PID1: variants seen among roughly 807,000 people sequenced by gnomAD.
The protein encoded by PID1 is PTB-containing, cubilin and LRP1-interacting protein.
PID1 carries 10 observed loss-of-function variants against 19.1 expected under a neutral mutation model. The ratio of observed to expected loss-of-function variants is 0.52; its 90% CI spans 0.32 to 0.89. The LOEUF (loss-of-function observed/expected upper bound fraction) is 0.89, where lower values mean the gene tolerates loss of function less well. PID1 is among the 40% of genes least tolerant of loss of function. The pLI, the probability that PID1 is intolerant of heterozygous loss-of-function variation, is 0.03. For missense variants in PID1, 248 were observed against 285.3 expected, an observed-to-expected ratio of 0.87 and a Z score of 0.94; for synonymous variants, 130 against 116.0, an observed-to-expected ratio of 1.12 and a Z score of -0.78.
At chr2:229,119,881 G>T (rs1695483015) in intron 2 of PID1, among the ~76,000 whole-genome samples, 1 of 152,100 alleles carries the variant, frequency 6.6e-6, no homozygotes, top group Non-Finnish European at 1.5e-5. Context: ...GAGGAAGGTT[G>T]GATTCCCACT....
At chr2:229,112,673 C>T (rs957478201) in intron 2 of PID1, among the ~76,000 whole-genome samples, 5 of 152,104 alleles carry the variant, frequency 3.3e-5, no homozygotes, top group South Asian at 2.1e-4. Context: ...TTAGTAGACA[C>T]GGGGTTTCAC....
chr2:229,101,965 T>C (rs1695082658), intron 2 of PID1, among the ~76,000 whole-genome samples: 1 of 152,200 alleles, frequency 6.6e-6, no homozygotes, highest in South Asian at 2.1e-4. Flanking sequence ...GTGGGTCTAA[T>C]GTAATCATCA....
At chr2:229,209,572 G>C (rs1691682556) in intron 1 of PID1, among the ~76,000 whole-genome samples, 1 of 152,156 alleles carries the variant, frequency 6.6e-6, no homozygotes. Flanking sequence ...GACAGCCACC[G>C]AATTGTCCAG....
At chr2:229,093,180 T>C (rs1694909240) in intron 2 of PID1, among the ~76,000 whole-genome samples, 2 of 148,810 alleles carry the variant, frequency 1.3e-5, no homozygotes, top group African/African-American at 5.0e-5. Flanking sequence ...TCACCCAAGC[T>C]GGAAAGCAGT....
intron 1 of PID1, among the ~76,000 whole-genome samples, chr2:229,224,665 G>A (rs1030702703): frequency 1.3e-5 from 2 of 151,916 alleles, no homozygotes; most frequent in Non-Finnish European, 2.9e-5. Flanking sequence ...TAAAAATAGC[G>A]ATCCATAAGG....
intron 2 of PID1, among the ~76,000 whole-genome samples, chr2:229,081,922 G>T (rs2106211267): frequency 6.6e-6 from 1 of 152,320 alleles, no homozygotes; most frequent in South Asian, 2.1e-4. Flanking sequence ...GCATCATGAA[G>T]AATTCTCAGT....
intron 2 of PID1, among the ~76,000 whole-genome samples, chr2:229,050,706 T>A (rs1693977150): frequency 6.6e-6 from 1 of 152,154 alleles, no homozygotes. Context: ...AGCCATCTGG[T>A]CACTGAGTGT....
At chr2:229,139,113 A>AAGAG (rs10617918) in intron 2 of PID1, among the ~76,000 whole-genome samples, 3 of 31,612 alleles carry the variant, frequency 9.5e-5, no homozygotes, top group Non-Finnish European at 1.9e-4. Flanking sequence ...GAAAGAAAGA[A>AAGAG]AGAGAAAGAA....
chr2:229,229,999 T>A (rs1692167748), intron 1 of PID1, among the ~76,000 whole-genome samples: 1 of 152,234 alleles, frequency 6.6e-6, no homozygotes, highest in African/African-American at 2.4e-5. Flanking sequence ...ATATTAAGAC[T>A]ATTACAAAGA....
chr2:229,075,349 G>A (rs1694537087), intron 2 of PID1, among the ~76,000 whole-genome samples: 1 of 152,038 alleles, frequency 6.6e-6, no homozygotes, highest in African/African-American at 2.4e-5. Flanking sequence ...ATCTACATTA[G>A]TATTCTAATA....
chr2:229,080,944 G>A (rs1694657260), intron 2 of PID1, among the ~76,000 whole-genome samples: 1 of 152,170 alleles, frequency 6.6e-6, no homozygotes, highest in Non-Finnish European at 1.5e-5. Flanking sequence ...CATCTTCCCA[G>A]TACCTTCCTG....
chr2:229,190,553 T>G (rs924037180), intron 1 of PID1, among the ~76,000 whole-genome samples: 4 of 152,216 alleles, frequency 2.6e-5, no homozygotes, highest in Admixed American at 2.6e-4. Context: ...GTCTATAGAT[T>G]GTTTCTGCAG....
At chr2:229,227,140 T>C (rs1346024962) in intron 1 of PID1, among the ~76,000 whole-genome samples, 1 of 152,224 alleles carries the variant, frequency 6.6e-6, no homozygotes, top group Non-Finnish European at 1.5e-5. Flanking sequence ...TAAAAGGACT[T>C]GACCTCCCAA....
chr2:229,173,147 C>T lies in PID1; in HGVS notation c.31-17183G>A, dbSNP rs779258032. Among the ~76,000 whole-genome samples the T allele has an allele frequency of 5.3e-5, 8 of 152,276 alleles. No individual in the cohort carries two copies. The South Asian group carries it at 1.0e-3, about 20-fold the overall frequency. On this transcript the variant is annotated intron_variant, in intron 1 of 2. Coordinates refer to ENST00000392055, the MANE Select transcript of PID1 (RefSeq NM_001100818.2). ...GCATAGATATTTCACCAGCCACTGC[C>T]AATCATTATTTGTTTTCATTCCACC...
At chr2:229,112,341 T>C (rs1695314609) in intron 2 of PID1, among the ~76,000 whole-genome samples, 1 of 152,220 alleles carries the variant, frequency 6.6e-6, no homozygotes, top group African/African-American at 2.4e-5. Flanking sequence ...ATGATTGTTT[T>C]GCCAAGTAAC....
intron 2 of PID1, among the ~76,000 whole-genome samples, chr2:229,116,118 T>C (rs1024334596): frequency 1.3e-5 from 2 of 151,948 alleles, no homozygotes; most frequent in African/African-American, 4.8e-5. Context: ...TCCCAGCTAC[T>C]CTGGAGGCTG....
chr2:229,048,794 G>A (rs983981305), intron 2 of PID1, among the ~76,000 whole-genome samples: 3 of 151,990 alleles, frequency 2.0e-5, no homozygotes, highest in Admixed American at 6.6e-5. Context: ...TCCCAGACTC[G>A]AGTTTATGGA....
chr2:229,220,927 A>T (rs1232914893), intron 1 of PID1, among the ~76,000 whole-genome samples: 4 of 152,174 alleles, frequency 2.6e-5, no homozygotes, highest in Non-Finnish European at 4.4e-5. Context: ...TTTAAAAAAA[A>T]TTCAGCTTAT....
chr2:229,032,477 C>T (rs1460176347), intron 2 of PID1, among the ~76,000 whole-genome samples: 2 of 152,140 alleles, frequency 1.3e-5, no homozygotes, highest in Admixed American at 6.5e-5. Flanking sequence ...CTTTAAGAGT[C>T]GCAACCTTCC....
Sources: gnomAD v4.1 joint callset for allele counts (sites outside exome capture counted in the v4.1 genomes callset) on GRCh38, gnomAD v4.1.1 for gene constraint, MANE v1.5 for transcripts, NCBI Gene and HGNC (gene_info 2026-07-23, HGNC 2026-07-21) for gene names.